OSBPL6: variants seen among roughly 807,000 people sequenced by gnomAD.
OSBPL6 encodes the protein oxysterol-binding protein-related protein 6.
In OSBPL6, 49 loss-of-function variants were observed where a neutral mutation model predicts 125.8. That is an observed-to-expected ratio of 0.39 (90% CI 0.31 to 0.49). The LOEUF is 0.49. Ranked by LOEUF, OSBPL6 falls within the 20% of genes least tolerant of loss-of-function variation. The pLI is 0.88. For missense variants in OSBPL6, 986 were observed against 1,135.4 expected, an observed-to-expected ratio of 0.87 and a Z score of 1.89; for synonymous variants, 394 against 391.8, an observed-to-expected ratio of 1.01 and a Z score of -0.07.
intron 3 of OSBPL6, among the ~76,000 whole-genome samples, chr2:178,318,152 A>G (rs1374845136): frequency 6.6e-6 from 1 of 152,220 alleles, no homozygotes; most frequent in Non-Finnish European, 1.5e-5. Context: ...TCTCTTTCAT[A>G]GTCAATATTG....
At chr2:178,369,508 C>A (rs1693179069) in intron 13 of OSBPL6, among the ~76,000 whole-genome samples, 1 of 152,174 alleles carries the variant, frequency 6.6e-6, no homozygotes, top group Admixed American at 6.5e-5. Context: ...AATACAACCC[C>A]AGAAAGGTTA....
intron 1 of OSBPL6, among the ~76,000 whole-genome samples, chr2:178,259,487 T>G (rs2091989424): frequency 1.3e-5 from 2 of 152,212 alleles, no homozygotes; most frequent in Non-Finnish European, 2.9e-5. Flanking sequence ...TTTCATTTCA[T>G]TTAAAAGAAA....
intron 1 of OSBPL6, among the ~76,000 whole-genome samples, chr2:178,277,941 A>G (rs1014489007): frequency 2.6e-5 from 4 of 152,222 alleles, no homozygotes; most frequent in African/African-American, 9.6e-5. Context: ...CAGCCCACAC[A>G]GTGAAATTCA....
chr2:178,201,782 A>C (rs1309171709), intron 1 of OSBPL6, among the ~76,000 whole-genome samples: 1 of 152,246 alleles, frequency 6.6e-6, no homozygotes, highest in Non-Finnish European at 1.5e-5. Context: ...ACATGTATGT[A>C]CAGATGTAGA....
intron 20 of OSBPL6, among the ~76,000 whole-genome samples, chr2:178,388,693 T>G (rs1013120346): frequency 1.1e-4 from 17 of 152,204 alleles, no homozygotes; most frequent in African/African-American, 4.1e-4. Flanking sequence ...CCTTCTGTGT[T>G]CCGATGATAT....
chr2:178,306,725 A>G (rs1686799572), intron 3 of OSBPL6, among the ~76,000 whole-genome samples: 1 of 152,258 alleles, frequency 6.6e-6, no homozygotes, highest in Non-Finnish European at 1.5e-5. Context: ...TTCAGGAATT[A>G]GGTTACAGAT....
chr2:178,356,039 C>G (rs1015608524), intron 12 of OSBPL6, among the ~76,000 whole-genome samples: 3 of 152,204 alleles, frequency 2.0e-5, no homozygotes, highest in African/African-American at 7.2e-5. Context: ...ATTCTACAGC[C>G]CTTCATGCTA....
At position 178,223,512 on chromosome 2, in the gene OSBPL6, G is replaced by A. The variant is rs79659489; in HGVS notation, c.-351+28838G>A. 8.6e-3 allele frequency among the ~76,000 whole-genome samples: 1,317 copies of A among 152,264 alleles called. 28 individuals carry two copies. The highest frequency in any genetic ancestry group is 0.075 in the East Asian group (388 of 5,180). On this transcript the variant is annotated intron_variant, in intron 1 of 24. Transcript: ENST00000190611. ...TGTATATCTTTCGATATTGGCTCTT[G>A]TTTATTAAATACGTTTTACAATTAA...
intron 1 of OSBPL6, among the ~76,000 whole-genome samples, chr2:178,263,336 G>A (rs980177015): frequency 1.3e-5 from 2 of 152,158 alleles, no homozygotes; most frequent in Non-Finnish European, 2.9e-5. Flanking sequence ...AAATTAGCTG[G>A]GCGTGGTGAC....
At position 178,395,696 on chromosome 2, in the gene OSBPL6, T is replaced by A. The variant is rs1197190741; in HGVS notation, c.*137T>A. On this transcript the variant is annotated 3_prime_UTR_variant, in exon 25 of 25. Coordinates refer to ENST00000190611, the MANE Select transcript of OSBPL6 (RefSeq NM_032523.4). Reference sequence around the variant, plus strand: ...TTTGCTTTTCTATTCATCTTTATAATGGACTTTCAGAAGTGCATTAGACAA... The same window carrying A: ...TTTGCTTTTCTATTCATCTTTATAAAGGACTTTCAGAAGTGCATTAGACAA... 1 of 653,194 alleles carries A rather than the reference T, an allele frequency of 1.5e-6. No individual in the cohort carries two copies. The highest frequency in any genetic ancestry group is 2.6e-6 in the Non-Finnish European group (1 of 384,346). 40.5% of individuals were successfully genotyped at this position (653,194 alleles called of 1,614,324 possible).
Position 178,285,141 on chromosome 2 carries a change from G to A in OSBPL6, c.-156+20G>A, listed in dbSNP as rs1684575373. On this transcript the variant is annotated intron_variant, in intron 2 of 24. Coordinates refer to ENST00000190611, the MANE Select transcript of OSBPL6 (RefSeq NM_032523.4). The stretch of plus-strand genomic sequence containing the variant: ...TGCAAGGTGAGTTAGAAGAACACAA[G>A]CTTAAAACCAAAAGCAGGGTTAGGT... The A allele has an allele frequency of 2.5e-6, 1 of 398,174 alleles. No homozygotes were observed. Among genetic ancestry groups the A allele is most frequent in the African/African-American group, 2.1e-5 (1 of 48,608 alleles). 24.7% of individuals were successfully genotyped at this position (398,174 alleles called of 1,614,324 possible). A position where few individuals can be genotyped will look rare whatever the true frequency, so the allele number is the denominator to read the frequency against.
chr2:178,399,335 C>T lies in OSBPL6; in HGVS notation c.*3776C>T, dbSNP rs1208087953. ...AAAGTAGGATTCGGTCCTGTAAGTC[C>T]TAACTGAATTTCTTTTGTAAAACTG... is the stretch of plus-strand genomic sequence containing the variant. On this transcript the variant is annotated 3_prime_UTR_variant, in exon 25 of 25. Coordinates refer to ENST00000190611, the MANE Select transcript of OSBPL6 (RefSeq NM_032523.4). 1 of 152,092 alleles carries T rather than the reference C, an allele frequency of 6.6e-6. No homozygotes were observed. The highest frequency in any genetic ancestry group is 1.5e-5 in the Non-Finnish European group (1 of 68,022). 9.4% of individuals were successfully genotyped at this position (152,092 alleles called of 1,614,324 possible).
chr2:178,201,123 C>T (rs962230604), intron 1 of OSBPL6, among the ~76,000 whole-genome samples: 1 of 152,108 alleles, frequency 6.6e-6, no homozygotes, highest in Non-Finnish European at 1.5e-5. Context: ...ACTGTAGACT[C>T]TACAAATGTA....
intron 2 of OSBPL6, among the ~76,000 whole-genome samples, chr2:178,301,572 T>G (rs1026943954): frequency 2.0e-5 from 3 of 152,208 alleles, no homozygotes; most frequent in Non-Finnish European, 4.4e-5. Context: ...AATTTAAATA[T>G]TTTCAACTGT....
chr2:178,331,924 T>C (rs774916148), intron 6 of OSBPL6, among the ~76,000 whole-genome samples: 8 of 152,246 alleles, frequency 5.3e-5, no homozygotes, highest in Admixed American at 6.5e-5. Flanking sequence ...CTCTGCTTTA[T>C]GTGTGCTGCT....
At chr2:178,262,660 A>ATT (rs1261851704) in intron 1 of OSBPL6, among the ~76,000 whole-genome samples, 2 of 152,224 alleles carry the variant, frequency 1.3e-5, no homozygotes, top group Non-Finnish European at 2.9e-5. Context: ...GAAGTAGCTT[A>ATT]ATAGTCTCCC....
chr2:178,229,131 T>C lies in OSBPL6; in HGVS notation c.-351+34457T>C, dbSNP rs991982340. On this transcript the variant is annotated intron_variant, in intron 1 of 24. Transcript: ENST00000190611. ...AAATACAAGGGGTGGCCCCGCCTTA[T>C]AACAACCCACTCTAGTGTTAACTAA... is the stretch of plus-strand genomic sequence containing the variant. Among the ~76,000 whole-genome samples the C allele has an allele frequency of 1.2e-4, 18 of 152,198 alleles. 1 individual carries two copies. Among genetic ancestry groups the C allele is most frequent in the Non-Finnish European group, 1.5e-5 (1 of 68,040 alleles).
intron 1 of OSBPL6, among the ~76,000 whole-genome samples, chr2:178,214,674 G>A (rs577454681): frequency 1.3e-5 from 2 of 152,136 alleles, no homozygotes; most frequent in Admixed American, 6.5e-5. Flanking sequence ...AACCAGGCAC[G>A]GTGGCTCATG....
At chr2:178,302,608 T>A (rs1253987559) in intron 2 of OSBPL6, among the ~76,000 whole-genome samples, 3 of 152,134 alleles carry the variant, frequency 2.0e-5, no homozygotes, top group Non-Finnish European at 2.9e-5. Flanking sequence ...ATAACAAAAA[T>A]TAATAGAAAC....
Sources: gnomAD v4.1 joint callset for allele counts (sites outside exome capture counted in the v4.1 genomes callset) on GRCh38, gnomAD v4.1.1 for gene constraint, MANE v1.5 for transcripts, NCBI Gene and HGNC (gene_info 2026-07-23, HGNC 2026-07-21) for gene names.